Variants in CADM2 observed in about 807,000 individuals in gnomAD.
The protein encoded by CADM2 is immunoglobulin superfamily member 4D.
In CADM2, 12 loss-of-function variants were observed where a neutral mutation model predicts 49.8. The ratio of observed to expected loss-of-function variants is 0.24; its 90% confidence interval spans 0.15 to 0.39. The LOEUF (loss-of-function observed/expected upper bound fraction) is 0.39, where lower values mean the gene tolerates loss of function less well. Among genes scored for constraint, CADM2 ranks in the 10% least tolerant of loss-of-function variants. The pLI, the probability that CADM2 is intolerant of heterozygous loss-of-function variation, is 1.00. For synonymous variants in CADM2, 214 were observed against 175.4 expected, an observed-to-expected ratio of 1.22 and a Z score of -1.74; for missense variants, 378 against 492.3, an observed-to-expected ratio of 0.77 and a Z score of 2.20.
At chr3:85,592,531 A>T (rs531113643) in intron 1 of CADM2, among the ~76,000 whole-genome samples, 8 of 152,044 alleles carry the variant, frequency 5.3e-5, no homozygotes, top group Non-Finnish European at 1.0e-4. Context: ...AGGTTAGAGG[A>T]TGGAATTTAA....
intron 1 of CADM2, among the ~76,000 whole-genome samples, chr3:85,528,089 C>T (rs2061212196): frequency 2.0e-5 from 3 of 152,170 alleles, no homozygotes; most frequent in African/African-American, 7.2e-5. Flanking sequence ...GCACAGAAAT[C>T]ACCTTTCAAG....
At chr3:85,510,669 A>G (rs1030971550) in intron 1 of CADM2, among the ~76,000 whole-genome samples, 11 of 152,074 alleles carry the variant, frequency 7.2e-5, no homozygotes, top group Non-Finnish European at 1.5e-4. Flanking sequence ...CCTAGATTTT[A>G]TTGGATACTC....
intron 3 of CADM2, among the ~76,000 whole-genome samples, chr3:85,803,946 A>G (rs58666910): frequency 0.054 from 8,246 of 152,224 alleles, 637 homozygotes; most frequent in African/African-American, 0.17. Flanking sequence ...TGTCATGGAC[A>G]GTTAATACCT....
In CADM2 at chr3:85,886,292, A is replaced by T; in HGVS notation, c.494A>T (p.Asp165Val). ...ACATCTGGTAGTAAACCTGCAGCTG[A>T]TATAAGATGGTTCAAAAATGACAAA... Reference protein sequence around the residue: ...CKTSGSKPAADIRWFKNDKEI... With the variant: ...CKTSGSKPAAVIRWFKNDKEI... Residue 165 changes from aspartate (D) to valine (V), a missense_variant, in exon 5 of 10, where the codon GAT becomes GTT. Asp to Val is a radical substitution (Grantham distance 152, BLOSUM62 -3). Coordinates refer to ENST00000383699, the MANE Select transcript of CADM2 (RefSeq NM_001167675.2). 6.2e-7 allele frequency: 1 copy of T among 1,613,828 alleles called. No homozygotes were observed. Among genetic ancestry groups the T allele is most frequent in the Non-Finnish European group, 8.5e-7 (1 of 1,179,820 alleles).
intron 5 of CADM2, among the ~76,000 whole-genome samples, chr3:85,908,254 CTTT>C (rs898710165): frequency 2.6e-4 from 17 of 65,776 alleles, no homozygotes; most frequent in Admixed American, 8.2e-4. Flanking sequence ...TTTTTTTCTT[CTTT>C]TTTTTTTTTT....
intron 6 of CADM2, among the ~76,000 whole-genome samples, chr3:85,931,187 A>G (rs1367601048): frequency 2.0e-5 from 3 of 152,076 alleles, no homozygotes; most frequent in Non-Finnish European, 2.9e-5. Flanking sequence ...AGCCTGGGCA[A>G]CACAGTGAGA....
intron 1 of CADM2, among the ~76,000 whole-genome samples, chr3:85,306,351 A>G (rs2044212183): frequency 6.6e-6 from 1 of 151,722 alleles, no homozygotes; most frequent in African/African-American, 2.4e-5. Flanking sequence ...ATGGTCAGTA[A>G]TCAAAAAACA....
intron 2 of CADM2, among the ~76,000 whole-genome samples, chr3:85,755,962 G>A (rs769915964): frequency 1.3e-5 from 2 of 152,056 alleles, no homozygotes; most frequent in Non-Finnish European, 2.9e-5. Context: ...GGGAGATGGG[G>A]CTGAAAGTTC....
rs1333908440 is a variant in CADM2, at chr3:85,515,628, TA to T, written c.62-210893del. Among the ~76,000 whole-genome samples, 199 of 101,742 alleles carry T rather than the reference TA, an allele frequency of 2.0e-3. 1 individual carries two copies. The highest frequency in any genetic ancestry group is 3.3e-3 in the Admixed American group (33 of 10,120). 66.7% of individuals were successfully genotyped at this position (101,742 alleles called of 152,430 possible). A position where few individuals can be genotyped will look rare whatever the true frequency, so the allele number is the denominator to read the frequency against. On this transcript the variant is annotated intron_variant, in intron 1 of 9. Transcript: ENST00000383699. ...GCCCACTAATATATATATATATATA[TA>T]TATTTTTTTTTTTTGTATCTTTAGT... is the stretch of plus-strand genomic sequence containing the variant.
intron 8 of CADM2, among the ~76,000 whole-genome samples, chr3:86,041,250 A>T (rs1735876903): frequency 1.3e-5 from 2 of 152,326 alleles, no homozygotes; most frequent in South Asian, 4.1e-4. Context: ...TTACATGTAA[A>T]TGGACTAAAT....
intron 1 of CADM2, among the ~76,000 whole-genome samples, chr3:85,609,675 G>A (rs901616564): frequency 1.3e-5 from 2 of 152,082 alleles, no homozygotes; most frequent in African/African-American, 2.4e-5. Flanking sequence ...AAGGAATGGG[G>A]AGATCCATAA....
At chr3:85,161,124 C>T (rs978364301) in intron 1 of CADM2, among the ~76,000 whole-genome samples, 14 of 152,216 alleles carry the variant, frequency 9.2e-5, no homozygotes, top group African/African-American at 2.6e-4. Context: ...TAATATTGAA[C>T]GCTTTAGCTA....
At chr3:86,019,929 A>T (rs1347895272) in intron 8 of CADM2, among the ~76,000 whole-genome samples, 1 of 152,156 alleles carries the variant, frequency 6.6e-6, no homozygotes, top group Non-Finnish European at 1.5e-5. Flanking sequence ...CAATTAAAAG[A>T]ACTAGAAAAG....
chr3:84,989,251 C>T (rs2032754529), intron 1 of CADM2, among the ~76,000 whole-genome samples: 1 of 152,158 alleles, frequency 6.6e-6, no homozygotes. Context: ...AACAAAAATT[C>T]ACAGAGCTTT....
intron 1 of CADM2, among the ~76,000 whole-genome samples, chr3:85,620,465 A>C (rs2063939211): frequency 6.6e-6 from 1 of 152,020 alleles, no homozygotes; most frequent in Non-Finnish European, 1.5e-5. Context: ...ATTTATGAAA[A>C]ATTTTTAAGC....
intron 5 of CADM2, among the ~76,000 whole-genome samples, chr3:85,910,157 G>T (rs573762356): frequency 2.0e-3 from 305 of 152,262 alleles, no homozygotes; most frequent in Non-Finnish European, 3.8e-3. Context: ...AGAAGCAGAT[G>T]TGTGAGTTCT....
rs898656984 is a variant in CADM2 at position 85,267,950 on chromosome 3, T to G, written c.61+308282T>G. ...CATGTATTGAAAGGGTATGTAAAACTCCTACAATGTATTAGGCACTATGTA... is the reference window on the plus strand; with the variant it reads ...CATGTATTGAAAGGGTATGTAAAACGCCTACAATGTATTAGGCACTATGTA... On this transcript the variant is annotated intron_variant, in intron 1 of 9. Transcript: ENST00000383699. 2.0e-5 allele frequency among the ~76,000 whole-genome samples: 3 copies of G among 151,726 alleles called. No individual in the cohort carries two copies. The Admixed American group carries it at 2.0e-4, about 10-fold the overall frequency.
At chr3:85,730,919 T>A (rs1265607767) in intron 2 of CADM2, among the ~76,000 whole-genome samples, 1 of 152,176 alleles carries the variant, frequency 6.6e-6, no homozygotes, top group African/African-American at 2.4e-5. Flanking sequence ...AACAATCATG[T>A]AATCATTATT....
chr3:85,693,261 CAAGG>C (rs201470849), intron 1 of CADM2, among the ~76,000 whole-genome samples: 2 of 150,950 alleles, frequency 1.3e-5, no homozygotes, highest in African/African-American at 4.9e-5. Context: ...AAACAAAAAA[CAAGG>C]AAGGAAGGAA....
Sources: gnomAD v4.1 joint callset for allele counts (sites outside exome capture counted in the v4.1 genomes callset) on GRCh38, gnomAD v4.1.1 for gene constraint, MANE v1.5 for transcripts, NCBI Gene and HGNC (gene_info 2026-07-23, HGNC 2026-07-21) for gene names.